The following ATRNL1 variants were observed in gnomAD, a reference collection of about 807,000 sequenced individuals.
The protein encoded by ATRNL1 is attractin-like protein 1.
ATRNL1 carries 95 observed loss-of-function variants against 182.7 expected under a neutral mutation model. The ratio of observed to expected loss-of-function variants is 0.52; its 90% CI spans 0.44 to 0.62. The LOEUF (loss-of-function observed/expected upper bound fraction) is 0.62. Ranked by LOEUF, ATRNL1 falls within the 20% of genes least tolerant of loss-of-function variation. The probability of loss-of-function intolerance (pLI) is 0.00; values close to 1 mark genes in which losing one functional copy is unlikely to be tolerated. For synonymous variants in ATRNL1, 576 were observed against 568.3 expected (o/e 1.01, Z -0.19); for missense variants, 1,471 against 1,679.5 (o/e 0.88, Z 2.17).
rs116079376 is a variant in ATRNL1, at chr10:115,232,382, G to A, written c.1533-9189G>A. Among the ~76,000 whole-genome samples, 751 of 152,070 alleles carry A rather than the reference G, an allele frequency of 4.9e-3. 7 individuals carry two copies. Among genetic ancestry groups the A allele is most frequent in the African/African-American group, 0.017 (691 of 41,484 alleles). On this transcript the variant is annotated intron_variant, in intron 9 of 28. Transcript: ENST00000355044. Reference sequence around the variant, plus strand: ...GTATAACATCTTTTCATATTTATTGGCCAAACAGCTACTCTGAAATTTTCA... The same window carrying A: ...GTATAACATCTTTTCATATTTATTGACCAAACAGCTACTCTGAAATTTTCA...
At chr10:115,278,093 G>A (rs1214786069) in intron 13 of ATRNL1, among the ~76,000 whole-genome samples, 1 of 152,092 alleles carries the variant, frequency 6.6e-6, no homozygotes, top group Non-Finnish European at 1.5e-5. Context: ...ATTCCCAGGG[G>A]TCTGCATGAT....
At chr10:115,175,261 A>G (rs944936661) in intron 8 of ATRNL1, among the ~76,000 whole-genome samples, 3 of 151,656 alleles carry the variant, frequency 2.0e-5, no homozygotes, top group Admixed American at 6.6e-5. Flanking sequence ...CATCAGACAT[A>G]ATGGTGGTTA....
chr10:115,694,713 T>C (rs1246695803), intron 26 of ATRNL1, among the ~76,000 whole-genome samples: 1 of 152,018 alleles, frequency 6.6e-6, no homozygotes, highest in Non-Finnish European at 1.5e-5. Flanking sequence ...TGGAACACAA[T>C]GATATTATAA....
chr10:115,746,606 G>T (rs542791881), intron 27 of ATRNL1, among the ~76,000 whole-genome samples: 2 of 151,928 alleles, frequency 1.3e-5, no homozygotes, highest in African/African-American at 4.8e-5. Flanking sequence ...ATATATTTTT[G>T]AGTTACACAT....
intron 26 of ATRNL1, among the ~76,000 whole-genome samples, chr10:115,723,027 A>G (rs564116951): frequency 6.6e-6 from 1 of 152,354 alleles, no homozygotes; most frequent in African/African-American, 2.4e-5. Context: ...TTATTCACTC[A>G]TTCATTGTTC....
intron 21 of ATRNL1, among the ~76,000 whole-genome samples, chr10:115,450,389 T>A (rs1847223450): frequency 6.6e-6 from 1 of 152,180 alleles, no homozygotes; most frequent in South Asian, 2.1e-4. Flanking sequence ...AATCCTATAG[T>A]CTGAGTCCAA....
rs1851630029 is a variant in ATRNL1 at position 115,266,869 on chromosome 10, C to T, written c.1845C>T (p.Cys615=). Residue 615 remains cysteine (C), a synonymous_variant, in exon 12 of 29, where the codon TGC becomes TGT. Transcript: ENST00000355044. ...NDILVYKPPN[C]KAFRDEELCK... ...TCCTTGTATACAAGCCTCCAAATTG[C>T]AAGGCTTTCAGAGATGAAGAACTTT... is the stretch of plus-strand genomic sequence containing the variant. The T allele has an allele frequency of 6.2e-7, 1 of 1,611,920 alleles. No homozygotes were observed.
At chr10:115,826,990 C>T (rs1228113557) in intron 27 of ATRNL1, among the ~76,000 whole-genome samples, 1 of 152,130 alleles carries the variant, frequency 6.6e-6, no homozygotes, top group Non-Finnish European at 1.5e-5. Flanking sequence ...GCCTAGAAAT[C>T]TGTCTCCTGA....
At chr10:115,123,709 C>T (rs1194423169) in intron 3 of ATRNL1, among the ~76,000 whole-genome samples, 1 of 152,092 alleles carries the variant, frequency 6.6e-6, no homozygotes, top group Non-Finnish European at 1.5e-5. Context: ...AGCAACAGGG[C>T]TACACAGTAG....
At chr10:115,577,012 T>C (rs1854757253) in intron 26 of ATRNL1, among the ~76,000 whole-genome samples, 1 of 151,920 alleles carries the variant, frequency 6.6e-6, no homozygotes, top group Non-Finnish European at 1.5e-5. Context: ...TTGTGTCCTC[T>C]TGGTGGCCTT....
rs1554969752 is a variant in ATRNL1, at chr10:115,461,930, C to T, written c.3323-11C>T. On this transcript the variant is annotated splice_polypyrimidine_tract_variant and intron_variant, in intron 21 of 28. Transcript: ENST00000355044. Reference sequence around the variant, plus strand: ...TACATATCAGGATTGTACTTTTTTTCCTCCCTACAGACAGCCTTTTGATTG... The same window carrying T: ...TACATATCAGGATTGTACTTTTTTTTCTCCCTACAGACAGCCTTTTGATTG... The T allele has an allele frequency of 6.3e-7, 1 of 1,587,610 alleles. No homozygotes were observed. Among genetic ancestry groups the T allele is most frequent in the Admixed American group, 1.8e-5 (1 of 56,182 alleles).
chr10:115,460,591 G>A (rs905358080), intron 21 of ATRNL1, among the ~76,000 whole-genome samples: 5 of 151,994 alleles, frequency 3.3e-5, no homozygotes, highest in African/African-American at 1.2e-4. Flanking sequence ...CAGGCTTTAC[G>A]AGAATCACAG....
chr10:115,642,762 A>G (rs1859336999), intron 26 of ATRNL1, among the ~76,000 whole-genome samples: 1 of 152,168 alleles, frequency 6.6e-6, no homozygotes, highest in South Asian at 2.1e-4. Flanking sequence ...ATGTATTTTT[A>G]TGAATTAGTA....
At chr10:115,530,040 C>G (rs959710159) in intron 25 of ATRNL1, among the ~76,000 whole-genome samples, 1 of 152,166 alleles carries the variant, frequency 6.6e-6, no homozygotes, top group Non-Finnish European at 1.5e-5. Context: ...TTATCCGTAA[C>G]GTAGTATGGA....
intron 19 of ATRNL1, among the ~76,000 whole-genome samples, chr10:115,358,040 C>T (rs1268453705): frequency 1.3e-5 from 2 of 151,546 alleles, no homozygotes; most frequent in Non-Finnish European, 3.0e-5. Flanking sequence ...TATTTATTCC[C>T]TTCTTGGAGT....
intron 20 of ATRNL1, among the ~76,000 whole-genome samples, chr10:115,404,815 C>CTTT (rs11408585): frequency 0.069 from 9,408 of 136,524 alleles, 946 homozygotes; most frequent in African/African-American, 0.21. Flanking sequence ...AACCTCCCAG[C>CTTT]TTTTTTTTTT....
intron 26 of ATRNL1, among the ~76,000 whole-genome samples, chr10:115,629,246 A>G (rs1343118833): frequency 6.6e-6 from 1 of 152,174 alleles, no homozygotes; most frequent in Non-Finnish European, 1.5e-5. Context: ...TTTACTCTCA[A>G]GGAAGAGCTT....
intron 26 of ATRNL1, among the ~76,000 whole-genome samples, chr10:115,663,084 G>A (rs552496568): frequency 5.9e-5 from 9 of 151,946 alleles, no homozygotes; most frequent in Non-Finnish European, 7.4e-5. Flanking sequence ...TTAAAAACTC[G>A]TTTTCTCTTT....
intron 25 of ATRNL1, among the ~76,000 whole-genome samples, chr10:115,543,100 T>A (rs547039816): frequency 6.6e-6 from 1 of 152,190 alleles, no homozygotes; most frequent in Non-Finnish European, 1.5e-5. Context: ...TTCATGTAGA[T>A]CTCTTCTTTA....
Sources: gnomAD v4.1 joint callset for allele counts (sites outside exome capture counted in the v4.1 genomes callset) on GRCh38, gnomAD v4.1.1 for gene constraint, MANE v1.5 for transcripts, NCBI Gene and HGNC (gene_info 2026-07-23, HGNC 2026-07-21) for gene names.